Variants in ROBO2 observed in about 807,000 individuals in gnomAD.
ROBO2 encodes roundabout guidance receptor 2, also known as roundabout homolog 2.
A neutral mutation model predicts 160.8 loss-of-function variants in ROBO2; 53 were observed. The ratio of observed to expected loss-of-function variants is 0.33; its 90% CI spans 0.26 to 0.41. The LOEUF is 0.41. Ranked by LOEUF, ROBO2 falls within the 10% of genes least tolerant of loss-of-function variation. The probability of loss-of-function intolerance (pLI) is 1.00; values close to 1 mark genes in which losing one functional copy is unlikely to be tolerated. For synonymous variants in ROBO2, 664 were observed against 611.7 expected (o/e 1.09, Z -1.26); for missense variants, 1,577 against 1,722.4 (o/e 0.92, Z 1.49).
intron 2 of ROBO2, among the ~76,000 whole-genome samples, chr3:76,713,409 A>AT (rs1287064213): frequency 1.3e-5 from 2 of 151,928 alleles, no homozygotes; most frequent in Non-Finnish European, 2.9e-5. Context: ...TTATCCTAAG[A>AT]TTTTTTTCTT....
At chr3:77,544,809 G>A (rs1053587181) in intron 6 of ROBO2, among the ~76,000 whole-genome samples, 2 of 152,078 alleles carry the variant, frequency 1.3e-5, no homozygotes, top group Non-Finnish European at 2.9e-5. Context: ...TAAGAAGCGA[G>A]TTAAAGTGGA....
intron 2 of ROBO2, among the ~76,000 whole-genome samples, chr3:76,632,664 T>C (rs1364326966): frequency 6.6e-6 from 1 of 152,232 alleles, no homozygotes. Flanking sequence ...TAAATCATTT[T>C]AATTTACATA....
chr3:77,647,404 C>T (rs1265734301), exon 26 of ROBO2: 2 of 151,762 alleles, frequency 1.3e-5, no homozygotes, highest in South Asian at 2.1e-4. Context: ...AACTAAAATA[C>T]GTTTGACCCA....
intron 2 of ROBO2, among the ~76,000 whole-genome samples, chr3:77,334,466 T>C (rs923623518): frequency 3.9e-5 from 6 of 152,226 alleles, no homozygotes; most frequent in African/African-American, 1.4e-4. Context: ...GTTTGTTTGC[T>C]TGTTTGTTTC....
chr3:77,010,936 C>T (rs1016934429), intron 2 of ROBO2, among the ~76,000 whole-genome samples: 56 of 133,326 alleles, frequency 4.2e-4, no homozygotes, highest in African/African-American at 1.5e-3. Context: ...CCCCTTTCTT[C>T]TCTTTCCTTC....
chr3:75,998,087 C>T (rs1471157887), intron 2 of ROBO2, among the ~76,000 whole-genome samples: 1 of 152,024 alleles, frequency 6.6e-6, no homozygotes, highest in Non-Finnish European at 1.5e-5. Context: ...TATCAAGAAC[C>T]GGACAGATTC....
chr3:77,096,103 A>G lies in ROBO2; in HGVS notation c.62-1911A>G, dbSNP rs1245197490. 2.6e-5 allele frequency among the ~76,000 whole-genome samples: 4 copies of G among 152,184 alleles called. No homozygotes were observed. The East Asian group carries it at 7.7e-4, about 29-fold the overall frequency. On this transcript the variant is annotated intron_variant, in intron 1 of 25. Coordinates refer to ENST00000461745, the Ensembl canonical transcript of ROBO2. ...ATTAAATTCCCTTTAATACATTAAA[A>G]CATGTATTTTCAATTAATACTGAGA...
chr3:76,471,312 GCTT>G (rs1447232133), intron 2 of ROBO2, among the ~76,000 whole-genome samples: 1 of 152,112 alleles, frequency 6.6e-6, no homozygotes, highest in African/African-American at 2.4e-5. Context: ...TTTTAGAGCT[GCTT>G]CTAGTAGGTT....
chr3:77,576,340 CTTTTAAAATATA>C (rs2153672017), intron 14 of ROBO2, among the ~76,000 whole-genome samples: 1 of 152,048 alleles, frequency 6.6e-6, no homozygotes, highest in African/African-American at 2.4e-5. Flanking sequence ...TGCTGTCAGG[CTTTTAAAATATA>C]TTTTAGGATA....
chr3:76,166,552 C>T (rs1252910653), intron 2 of ROBO2, among the ~76,000 whole-genome samples: 2 of 152,048 alleles, frequency 1.3e-5, no homozygotes, highest in African/African-American at 4.8e-5. Context: ...TAAATAAATC[C>T]TCATTTAGCC....
intron 16 of ROBO2, among the ~76,000 whole-genome samples, chr3:77,583,137 G>A (rs111961967): frequency 2.7e-4 from 35 of 128,950 alleles, no homozygotes; most frequent in African/African-American, 9.7e-4. Context: ...GTCACTGAGC[G>A]AGACTCTGTC....
chr3:76,863,031 T>C (rs943248691), intron 2 of ROBO2, among the ~76,000 whole-genome samples: 1 of 152,080 alleles, frequency 6.6e-6, no homozygotes, highest in Non-Finnish European at 1.5e-5. Context: ...ACTTATCAGC[T>C]AAAAATCCTT....
intron 2 of ROBO2, among the ~76,000 whole-genome samples, chr3:77,126,461 C>T (rs1227521944): frequency 6.6e-6 from 1 of 152,056 alleles, no homozygotes; most frequent in Non-Finnish European, 1.5e-5. Context: ...AAGATTATCC[C>T]TTGTGGTTTG....
chr3:76,369,823 T>G (rs1009834433), intron 2 of ROBO2, among the ~76,000 whole-genome samples: 1 of 151,968 alleles, frequency 6.6e-6, no homozygotes, highest in African/African-American at 2.4e-5. Context: ...TCTGATTTGT[T>G]TAATATTATC....
intron 2 of ROBO2, among the ~76,000 whole-genome samples, chr3:76,899,392 A>C (rs537802711): frequency 4.4e-4 from 67 of 152,162 alleles, no homozygotes; most frequent in Non-Finnish European, 8.5e-4. Context: ...ACGGAGGTAA[A>C]AAATACCATT....
intron 2 of ROBO2, among the ~76,000 whole-genome samples, chr3:76,210,616 T>C (rs1394333425): frequency 6.6e-6 from 1 of 152,146 alleles, no homozygotes; most frequent in Admixed American, 6.6e-5. Context: ...ATATAAATGC[T>C]GTTTTGATTG....
intron 2 of ROBO2, among the ~76,000 whole-genome samples, chr3:77,349,514 A>G (rs1216296015): frequency 2.6e-5 from 4 of 152,166 alleles, no homozygotes; most frequent in African/African-American, 9.7e-5. Context: ...TGAGTCACTT[A>G]CCTTAAAGAG....
chr3:76,436,198 T>C (rs527702477), intron 2 of ROBO2, among the ~76,000 whole-genome samples: 1 of 51,566 alleles, frequency 1.9e-5, no homozygotes, highest in African/African-American at 6.9e-5. Flanking sequence ...TTTTTCTTTT[T>C]TTTTATTTTT....
intron 2 of ROBO2, among the ~76,000 whole-genome samples, chr3:76,634,812 A>G (rs2090232137): frequency 6.6e-6 from 1 of 152,140 alleles, no homozygotes; most frequent in African/African-American, 2.4e-5. Context: ...CTGGCCACGC[A>G]GCAGGAGGTG....
Sources: allele counts gnomAD v4.1 joint callset (sites outside exome capture counted in the v4.1 genomes callset), GRCh38; gene constraint gnomAD v4.1.1; transcripts MANE v1.5; gene names NCBI Gene and HGNC (gene_info 2026-07-23, HGNC 2026-07-21).